The following DEFB119 variants were observed in gnomAD, a reference collection of about 807,000 sequenced individuals.
The protein encoded by DEFB119 is beta-defensin 119.
A neutral mutation model predicts 2.5 loss-of-function variants in DEFB119; 3 were observed. That is an observed-to-expected ratio of 1.19 (90% confidence interval 0.54 to 3.07). The LOEUF (loss-of-function observed/expected upper bound fraction) is 3.07, where lower values mean the gene tolerates loss of function less well. DEFB119 is among the 30% of genes most tolerant of loss of function. The probability of loss-of-function intolerance (pLI) is 0.03; values close to 1 mark genes in which losing one functional copy is unlikely to be tolerated. For missense variants in DEFB119, 113 were observed against 101.1 expected (o/e 1.12, Z -0.50); for synonymous variants, 29 against 33.7 (o/e 0.86, Z 0.48).
intron 1 of DEFB119, among the ~76,000 whole-genome samples, chr20:31,381,869 C>T (rs191601418): frequency 6.6e-6 from 1 of 152,148 alleles, no homozygotes; most frequent in Non-Finnish European, 1.5e-5. Context: ...CAAACTCTCA[C>T]ATATGATTCT....
chr20:31,382,676 A>G (rs903133080), intron 1 of DEFB119, among the ~76,000 whole-genome samples: 4 of 152,212 alleles, frequency 2.6e-5, no homozygotes, highest in African/African-American at 9.6e-5. Context: ...ACCTGGAGTC[A>G]GCCTTTTGTG....
At chr20:31,381,499 G>A (rs761357704) in intron 1 of DEFB119, among the ~76,000 whole-genome samples, 5 of 152,172 alleles carry the variant, frequency 3.3e-5, no homozygotes, top group Admixed American at 1.3e-4. Context: ...GATACACATA[G>A]TGTGGATGGA....
chr20:31,386,465 A>G (rs911777664), intron 1 of DEFB119, among the ~76,000 whole-genome samples: 2 of 152,236 alleles, frequency 1.3e-5, no homozygotes, highest in African/African-American at 4.8e-5. Context: ...GCATAAACAC[A>G]ATGGAATACT....
intron 1 of DEFB119, among the ~76,000 whole-genome samples, chr20:31,380,768 G>C (rs1460285750): frequency 6.6e-6 from 1 of 151,900 alleles, no homozygotes; most frequent in Non-Finnish European, 1.5e-5. Flanking sequence ...TCCCTATTCT[G>C]TTCCATTGAT....
chr20:31,381,463 C>T (rs550205750), intron 1 of DEFB119, among the ~76,000 whole-genome samples: 1 of 152,270 alleles, frequency 6.6e-6, no homozygotes, highest in African/African-American at 2.4e-5. Context: ...GCTAGAAATA[C>T]TCAGAACTAA....
intron 1 of DEFB119, among the ~76,000 whole-genome samples, chr20:31,380,363 T>A (rs569241809): frequency 2.8e-4 from 42 of 152,332 alleles, no homozygotes; most frequent in African/African-American, 9.4e-4. Flanking sequence ...ACTCCTGGAC[T>A]CAAGCGATCT....
intron 1 of DEFB119, among the ~76,000 whole-genome samples, chr20:31,379,988 G>T (rs949618122): frequency 6.6e-6 from 1 of 152,090 alleles, no homozygotes; most frequent in Admixed American, 6.6e-5. Context: ...CTTAAGAGTT[G>T]TTTCTATGTT....
intron 1 of DEFB119, among the ~76,000 whole-genome samples, chr20:31,383,208 G>A (rs915903107): frequency 1.3e-5 from 2 of 152,164 alleles, no homozygotes; most frequent in Non-Finnish European, 2.9e-5. Flanking sequence ...TGAATCATGG[G>A]AGTAGGTTTT....
intron 1 of DEFB119, 79 bp downstream of exon 1, chr20:31,390,344 G>T: frequency 7.5e-7 from 1 of 1,336,264 alleles, no homozygotes. Context: ...GGCTTCAGAT[G>T]ATGCCCACAG....
At chr20:31,388,704 G>T (rs1240441702) in intron 1 of DEFB119, among the ~76,000 whole-genome samples, 1 of 152,032 alleles carries the variant, frequency 6.6e-6, no homozygotes, top group African/African-American at 2.4e-5. Flanking sequence ...AACTCTCCCA[G>T]CCTAAGGATT....
chr20:31,383,532 T>TAA lies in DEFB119; in HGVS notation c.62-6094_62-6093insTT, dbSNP rs750613012. Among the ~76,000 whole-genome samples, 73 of 18,238 alleles carry TAA rather than the reference T, an allele frequency of 4.0e-3. 7 individuals are homozygous for TAA. Among genetic ancestry groups the TAA allele is most frequent in the African/African-American group, 7.4e-3 (65 of 8,812 alleles). 12.0% of individuals were successfully genotyped at this position (18,238 alleles called of 152,430 possible). Reference sequence around the variant, plus strand: ...CTGGGCAACAGAACAAGACTCTGTCTTAAAAAAAAAAAAAAAAAAAAGGCC... The same window carrying TAA: ...CTGGGCAACAGAACAAGACTCTGTCTAATAAAAAAAAAAAAAAAAAAAAGGCC... On this transcript the variant is annotated intron_variant, in intron 1 of 1. Coordinates refer to ENST00000376321, the MANE Select transcript of DEFB119 (RefSeq NM_153289.4).
At chr20:31,380,290 G>T (rs1170351928) in intron 1 of DEFB119, among the ~76,000 whole-genome samples, 3 of 151,964 alleles carry the variant, frequency 2.0e-5, no homozygotes, top group Non-Finnish European at 2.9e-5. Context: ...TTTAGAGACG[G>T]GGTCTTGCTA....
chr20:31,389,685 G>C (rs578104336), intron 1 of DEFB119, among the ~76,000 whole-genome samples: 1 of 151,808 alleles, frequency 6.6e-6, no homozygotes, highest in African/African-American at 2.4e-5. Context: ...AGCTCCAGCC[G>C]CATCCCAATC....
intron 1 of DEFB119, chr20:31,388,849 A>T: frequency 8.7e-7 from 1 of 1,149,440 alleles, no homozygotes. Context: ...TAATGATCAC[A>T]CCATCGCTAT....
chr20:31,388,080 G>A (rs570936925), intron 1 of DEFB119: 1 of 985,366 alleles, frequency 1.0e-6, no homozygotes, highest in South Asian at 4.7e-5. Flanking sequence ...TGGTTAAATG[G>A]GGCCCAGAGA....
In DEFB119 at chr20:31,390,475, A is replaced by G; in HGVS notation, c.9T>C (p.Leu3=). 6.2e-7 allele frequency: 1 copy of G among 1,613,078 alleles called. No homozygotes were observed. Among genetic ancestry groups the G allele is most frequent in the Non-Finnish European group, 8.5e-7 (1 of 1,179,670 alleles). ...GAAGGATGGCAAGAAACAGGTAAAG[A>G]AGTTTCATGGCTGGCAGACCTGAGA... The part of the protein sequence containing the change: MK[L]LYLFLAILLA... Residue 3 remains leucine (L), a synonymous_variant, in exon 1 of 2, where the codon CTT becomes CTC. Transcript: ENST00000376321.
rs145058880 is a variant in DEFB119, at chr20:31,381,682, G to A, written c.62-4243C>T. On this transcript the variant is annotated intron_variant, in intron 1 of 1. Transcript: ENST00000376321. ...AAAAATTAGCCGCATGTGGTGGCAC[G>A]CATTTGTAGTCCCAGCTACTGGGGA... Among the ~76,000 whole-genome samples the A allele has an allele frequency of 3.8e-3, 574 of 152,228 alleles. 1 individual carries two copies. The highest frequency in any genetic ancestry group is 6.8e-3 in the Middle Eastern group (2 of 294).
In DEFB119 at chr20:31,390,555, G is replaced by A. The variant is rs1468017127; in HGVS notation, c.-72C>T. The A allele has an allele frequency of 4.1e-6, 6 of 1,454,814 alleles. No homozygotes were observed. The highest frequency in any genetic ancestry group is 5.7e-6 in the Non-Finnish European group (6 of 1,047,020). 90.1% of individuals were successfully genotyped at this position (1,454,814 alleles called of 1,614,324 possible). A position where few individuals can be genotyped will look rare whatever the true frequency, so the allele number is the denominator to read the frequency against. On this transcript the variant is annotated 5_prime_UTR_variant, in exon 1 of 2. Coordinates refer to ENST00000376321, the MANE Select transcript of DEFB119 (RefSeq NM_153289.4). ...AAATAGGGTTCCCTGCAGCACGGCA[G>A]AGATGAGCTTTGCTTTTATCAGCAG...
At chr20:31,388,011 A>C (rs1034002279) in intron 1 of DEFB119, 8 of 964,126 alleles carry the variant, frequency 8.3e-6, no homozygotes. Flanking sequence ...TTTACCGAGC[A>C]CTCTTGGTCC....
Sources: gnomAD v4.1 joint callset for allele counts (sites outside exome capture counted in the v4.1 genomes callset) on GRCh38, gnomAD v4.1.1 for gene constraint, MANE v1.5 for transcripts, NCBI Gene and HGNC (gene_info 2026-07-23, HGNC 2026-07-21) for gene names.